NRCAM: variants seen among roughly 807,000 people sequenced by gnomAD.
The protein encoded by NRCAM is neuronal cell adhesion molecule.
In NRCAM, 83 loss-of-function variants were observed where a neutral mutation model predicts 156.5. The observed-to-expected ratio is 0.53, with a 90% CI of 0.44 to 0.64. The LOEUF (loss-of-function observed/expected upper bound fraction) is 0.64. Ranked by LOEUF, NRCAM falls within the 30% of genes least tolerant of loss-of-function variation. The pLI, the probability that NRCAM is intolerant of heterozygous loss-of-function variation, is 0.00. For missense variants in NRCAM, 1,417 were observed against 1,597.3 expected, an observed-to-expected ratio of 0.89 and a Z score of 1.92; for synonymous variants, 538 against 563.9, an observed-to-expected ratio of 0.95 and a Z score of 0.65.
At chr7:108,154,277 C>T (rs1188661123) in intron 32 of NRCAM, among the ~76,000 whole-genome samples, 1 of 152,064 alleles carries the variant, frequency 6.6e-6, no homozygotes, top group Non-Finnish European at 1.5e-5. Context: ...TTTTTGTTAG[C>T]TTTATTCCTA....
intron 28 of NRCAM, among the ~76,000 whole-genome samples, chr7:108,173,289 T>C (rs2059245082): frequency 6.6e-6 from 1 of 152,270 alleles, no homozygotes; most frequent in African/African-American, 2.4e-5. Context: ...CCCGGCCATA[T>C]TGATGCTTCT....
intron 2 of NRCAM, among the ~76,000 whole-genome samples, chr7:108,344,917 A>G (rs2099337155): frequency 6.6e-6 from 1 of 152,222 alleles, no homozygotes; most frequent in African/African-American, 2.4e-5. Flanking sequence ...GCTGCCTTTC[A>G]TTATATGAAG....
At chr7:108,205,391 C>T (rs1028669230) in intron 13 of NRCAM, among the ~76,000 whole-genome samples, 2 of 152,204 alleles carry the variant, frequency 1.3e-5, no homozygotes, top group African/African-American at 4.8e-5. Flanking sequence ...ACTAAGATGG[C>T]TGGTTTGGAA....
At chr7:108,211,875 C>T (rs559769887) in intron 11 of NRCAM, among the ~76,000 whole-genome samples, 1 of 152,196 alleles carries the variant, frequency 6.6e-6, no homozygotes, top group Non-Finnish European at 1.5e-5. Context: ...GCTCCACTCA[C>T]CACCAGTTCC....
chr7:108,178,636 G>A (rs1365395154), intron 25 of NRCAM, among the ~76,000 whole-genome samples: 5 of 152,172 alleles, frequency 3.3e-5, no homozygotes, highest in South Asian at 2.1e-4. Context: ...ATCTGGTGGT[G>A]AATGGACAAA....
intron 2 of NRCAM, among the ~76,000 whole-genome samples, chr7:108,336,732 T>C (rs1181056655): frequency 6.6e-6 from 1 of 152,218 alleles, no homozygotes; most frequent in Admixed American, 6.5e-5. Context: ...GTAAAATTCA[T>C]GTAAACAACT....
At position 108,160,373 on chromosome 7, in the gene NRCAM, C is replaced by T; in HGVS notation, c.3586G>A (p.Gly1196Ser). Residue 1196 changes from glycine to serine, a missense_variant, in exon 31 of 33, where the codon GGT becomes AGT. Gly to Ser is a moderately conservative substitution (Grantham distance 56). Transcript: ENST00000379028. ...IVCFIRRNKG[G>S]KYPVKEKEDA... is the part of the protein sequence containing the mutation. ...CTTTCTTTCTTACCTGGATATTTAC[C>T]ACCCTTGTTTCTTCTGATGAAGCAA... is the stretch of plus-strand genomic sequence containing the variant. The T allele has an allele frequency of 6.2e-7, 1 of 1,612,208 alleles. No individual in the cohort carries two copies. The highest frequency in any genetic ancestry group is 8.5e-7 in the Non-Finnish European group (1 of 1,179,010).
intron 2 of NRCAM, among the ~76,000 whole-genome samples, chr7:108,395,987 T>G (rs887215698): frequency 6.6e-6 from 1 of 152,144 alleles, no homozygotes; most frequent in African/African-American, 2.4e-5. Context: ...TTCTGCCCAA[T>G]GCAGCCAAGC....
At chr7:108,188,009 A>G (rs548346875) in intron 20 of NRCAM, among the ~76,000 whole-genome samples, 1 of 152,264 alleles carries the variant, frequency 6.6e-6, no homozygotes, top group South Asian at 2.1e-4. Context: ...GGAAGAAAAA[A>G]GGGAGAGGAA....
At position 108,331,574 on chromosome 7, in the gene NRCAM, A is replaced by T. The variant is rs562304159; in HGVS notation, c.-173-18843T>A. ...AATATAGTACCTTCTTTGGAAGGCT[A>T]TTATGAGGATTAAATGAATTAATAT... On this transcript the variant is annotated intron_variant, in intron 2 of 32. Coordinates refer to ENST00000379028, the MANE Select transcript of NRCAM (RefSeq NM_001037132.4). 2.0e-5 allele frequency among the ~76,000 whole-genome samples: 3 copies of T among 152,310 alleles called. No individual in the cohort carries two copies. The East Asian group carries it at 5.8e-4, about 29-fold the overall frequency.
rs79475654 is a variant in NRCAM, at chr7:108,152,310, T to C, written c.3678-2163A>G. ...AGAGTTGAGTTAGCAAGGTGAATAG[T>C]TGGAGGGAGAGCAGTTCCTGCAGGA... On this transcript the variant is annotated intron_variant, in intron 32 of 32. Coordinates refer to ENST00000379028, the MANE Select transcript of NRCAM (RefSeq NM_001037132.4). 8.0e-3 allele frequency among the ~76,000 whole-genome samples: 1,210 copies of C among 151,612 alleles called. 15 individuals are homozygous for C. Among genetic ancestry groups the C allele is most frequent in the African/African-American group, 0.028 (1,139 of 41,312 alleles).
intron 30 of NRCAM, among the ~76,000 whole-genome samples, chr7:108,165,115 C>T (rs2053055166): frequency 6.6e-6 from 1 of 152,144 alleles, no homozygotes; most frequent in African/African-American, 2.4e-5. Flanking sequence ...AATCCAGAAC[C>T]AGTAACCACA....
At chr7:108,243,890 G>T (rs1423220804) in intron 3 of NRCAM, among the ~76,000 whole-genome samples, 1 of 152,132 alleles carries the variant, frequency 6.6e-6, no homozygotes, top group Non-Finnish European at 1.5e-5. Flanking sequence ...TCATTGAAAA[G>T]AAATGCAATT....
Position 108,211,557 on chromosome 7 carries a change from TGAGACTGGCCTTTTGGTTTG to T in NRCAM, c.891-1972_891-1953del, listed in dbSNP as rs539760774. On this transcript the variant is annotated intron_variant, in intron 11 of 32. Transcript: ENST00000379028. ...GCTGTTAGGGTAGGCACTGTGGGAG[TGAGACTGGCCTTTTGGTTTG>T]CGTGGGAGCTGGGTGAGGCCTGTGA... is the stretch of plus-strand genomic sequence containing the variant. 7.9e-5 allele frequency among the ~76,000 whole-genome samples: 12 copies of T among 151,992 alleles called. No individual in the cohort carries two copies. In the South Asian group the frequency reaches 2.5e-3, roughly 32 times the overall value.
At chr7:108,340,393 C>T (rs1032754363) in intron 2 of NRCAM, among the ~76,000 whole-genome samples, 2 of 151,152 alleles carry the variant, frequency 1.3e-5, no homozygotes, top group Admixed American at 6.6e-5. Context: ...TTGATGTTTA[C>T]AAGGGTTAGG....
At chr7:108,201,084 G>T (rs1312384497) in intron 13 of NRCAM, among the ~76,000 whole-genome samples, 2 of 150,558 alleles carry the variant, frequency 1.3e-5, no homozygotes, top group Admixed American at 1.3e-4. Context: ...ACTTATTCAT[G>T]TAACCAAATG....
intron 3 of NRCAM, among the ~76,000 whole-genome samples, chr7:108,305,193 T>A (rs897739493): frequency 6.6e-6 from 1 of 152,172 alleles, no homozygotes; most frequent in Admixed American, 6.5e-5. Flanking sequence ...TAAAAATATA[T>A]CCCAGTCAAA....
intron 2 of NRCAM, among the ~76,000 whole-genome samples, chr7:108,330,510 C>T (rs530306673): frequency 6.6e-6 from 1 of 152,212 alleles, no homozygotes; most frequent in Non-Finnish European, 1.5e-5. Flanking sequence ...CTGGCTCCCA[C>T]TGTGCCCGTT....
chr7:108,393,060 CTG>C (rs1305612258), intron 2 of NRCAM, among the ~76,000 whole-genome samples: 6 of 152,162 alleles, frequency 3.9e-5, no homozygotes. Context: ...ATCTCAAACT[CTG>C]TGCTGGGAGA....
Sources: allele counts gnomAD v4.1 joint callset (sites outside exome capture counted in the v4.1 genomes callset), GRCh38; gene constraint gnomAD v4.1.1; transcripts MANE v1.5; gene names NCBI Gene and HGNC (gene_info 2026-07-23, HGNC 2026-07-21).